The following GPR63 variants were observed in gnomAD, a reference collection of about 807,000 sequenced individuals.
The protein encoded by GPR63 is G protein-coupled receptor 63.
Under a neutral mutation model 23.1 loss-of-function variants are expected in GPR63, and 12 were observed. That is an observed-to-expected ratio of 0.52 (90% CI 0.33 to 0.84). The LOEUF (loss-of-function observed/expected upper bound fraction) is 0.84, where lower values mean the gene tolerates loss of function less well. Among genes scored for constraint, GPR63 ranks in the 40% least tolerant of loss-of-function variants. The pLI is 0.02. For synonymous variants in GPR63, 172 were observed against 191.1 expected (o/e 0.90, Z 0.82); for missense variants, 472 against 515.6 (o/e 0.92, Z 0.82).
At chr6:96,811,869 TAAATAAATAAATAAATAAATA>T (rs1582259242) in intron 1 of GPR63, among the ~76,000 whole-genome samples, 2 of 148,800 alleles carry the variant, frequency 1.3e-5, no homozygotes, top group East Asian at 3.9e-4. Context: ...AATAAATAAA[TAAATAAATAAATAAATAAATA>T]AAATAAAAGG....
rs555904424 is a variant in GPR63 at position 96,815,301 on chromosome 6, T to C, written c.-150-15420A>G. On this transcript the variant is annotated intron_variant, in intron 1 of 1. Transcript: ENST00000229955. ...TTTGATCTTAAGTTAATGATTTGCA[T>C]GGATGTGAGAAAGAAGATAACTCAA... 7.9e-5 allele frequency among the ~76,000 whole-genome samples: 12 copies of C among 152,330 alleles called. No individual in the cohort carries two copies. The East Asian group carries it at 2.1e-3, about 27-fold the overall frequency.
At chr6:96,813,988 TA>T (rs1447694411) in intron 1 of GPR63, among the ~76,000 whole-genome samples, 2 of 152,022 alleles carry the variant, frequency 1.3e-5, no homozygotes, top group African/African-American at 4.8e-5. Flanking sequence ...ATGTAGGATA[TA>T]AAAAAATTAC....
chr6:96,798,770 G>T lies in GPR63; in HGVS notation c.962C>A (p.Ala321Asp). ...TGGGGCCCAGCAGACAATGAAGACA[G>T]CAAAGAGAATCAAAATAGTGGTGAA... is the stretch of plus-strand genomic sequence containing the variant. ...RAFTTILILF[A>D]VFIVCWAPFT... Residue 321 changes from alanine (A) to aspartate (D), a missense_variant, in exon 2 of 2, where the codon GCT (alanine) becomes GAT (aspartate). Ala to Asp is a moderately radical substitution (Grantham distance 126, BLOSUM62 -2). Coordinates refer to ENST00000229955, the MANE Select transcript of GPR63 (RefSeq NM_030784.4). The T allele has an allele frequency of 3.1e-6, 5 of 1,614,174 alleles. No individual in the cohort carries two copies. Among genetic ancestry groups the T allele is most frequent in the Non-Finnish European group, 4.2e-6 (5 of 1,180,036 alleles).
chr6:96,802,737 C>T (rs191361762), intron 1 of GPR63, among the ~76,000 whole-genome samples: 126 of 148,740 alleles, frequency 8.5e-4, no homozygotes, highest in Non-Finnish European at 1.5e-3. Context: ...TTAGTAAAGA[C>T]GGGGTTTCAC....
At chr6:96,827,365 A>G (rs1774469668) in intron 1 of GPR63, among the ~76,000 whole-genome samples, 1 of 152,132 alleles carries the variant, frequency 6.6e-6, no homozygotes, top group Non-Finnish European at 1.5e-5. Context: ...GAAAACAATG[A>G]AAGATAAAAG....
intron 1 of GPR63, among the ~76,000 whole-genome samples, chr6:96,815,886 T>C (rs1774151447): frequency 1.3e-5 from 2 of 151,938 alleles, no homozygotes; most frequent in African/African-American, 4.8e-5. Context: ...TCCTGAAGGG[T>C]TTCCTGCTCT....
rs1469268466 is a variant in GPR63, at chr6:96,824,241, A to G, written c.-151+13027T>C. On this transcript the variant is annotated intron_variant, in intron 1 of 1. Transcript: ENST00000229955. ...ACAGATGTCTTTCACTATAATAGAT[A>G]AATTTTTACAATATGCATGTGGTCC... 5.9e-5 allele frequency among the ~76,000 whole-genome samples: 9 copies of G among 152,060 alleles called. 1 individual carries two copies. Among genetic ancestry groups the G allele is most frequent in the Admixed American group, 3.3e-4 (5 of 15,236 alleles).
At chr6:96,826,076 A>G (rs566453828) in intron 1 of GPR63, among the ~76,000 whole-genome samples, 1 of 152,252 alleles carries the variant, frequency 6.6e-6, no homozygotes, top group East Asian at 1.9e-4. Context: ...TAAGCATAAA[A>G]TAACTATTCA....
intron 1 of GPR63, among the ~76,000 whole-genome samples, chr6:96,815,461 T>G (rs1229276773): frequency 6.6e-6 from 1 of 152,176 alleles, no homozygotes; most frequent in Non-Finnish European, 1.5e-5. Flanking sequence ...GGTTATAAAG[T>G]TTTTTATGCA....
At chr6:96,815,235 A>T (rs924950539) in intron 1 of GPR63, among the ~76,000 whole-genome samples, 2 of 152,200 alleles carry the variant, frequency 1.3e-5, no homozygotes, top group African/African-American at 4.8e-5. Context: ...ATTTGTGGCG[A>T]TTTATAAAAC....
rs1291339176 is a variant in GPR63, at chr6:96,799,181, A to G, written c.551T>C (p.Val184Ala). Reference protein sequence around the residue: ...IISIDRFLIIVQRQDKLNPYR... With the variant: ...IISIDRFLIIAQRQDKLNPYR... Reference sequence around the variant, plus strand: ...TGGGTTTAGCTTATCCTGCCTCTGGACTATAATAAGGAACCTATCTATGCT... The same window carrying G: ...TGGGTTTAGCTTATCCTGCCTCTGGGCTATAATAAGGAACCTATCTATGCT... Residue 184 changes from valine (V) to alanine (A), a missense_variant, in exon 2 of 2, where the codon GTC (valine) becomes GCC (alanine). Coordinates refer to ENST00000229955, the MANE Select transcript of GPR63 (RefSeq NM_030784.4). 2 of 1,614,164 alleles carry G rather than the reference A, an allele frequency of 1.2e-6. No individual in the cohort carries two copies. Among genetic ancestry groups the G allele is most frequent in the South Asian group, 2.2e-5 (2 of 91,076 alleles).
chr6:96,833,004 G>C (rs1398801656), intron 1 of GPR63, among the ~76,000 whole-genome samples: 2 of 152,138 alleles, frequency 1.3e-5, no homozygotes, highest in African/African-American at 4.8e-5. Context: ...ATCTGAAGAA[G>C]TGCTGAGTAG....
chr6:96,801,555 T>C (rs1773766814), intron 1 of GPR63, among the ~76,000 whole-genome samples: 1 of 152,174 alleles, frequency 6.6e-6, no homozygotes, highest in Non-Finnish European at 1.5e-5. Context: ...TACTAATGCA[T>C]GATGGGTAGG....
chr6:96,811,158 C>A (rs1260581500), intron 1 of GPR63, among the ~76,000 whole-genome samples: 1 of 152,182 alleles, frequency 6.6e-6, no homozygotes, highest in African/African-American at 2.4e-5. Flanking sequence ...ATGCTGTACT[C>A]ATTGCATATG....
At chr6:96,810,733 T>G (rs1046832760) in intron 1 of GPR63, among the ~76,000 whole-genome samples, 1 of 152,190 alleles carries the variant, frequency 6.6e-6, no homozygotes, top group Non-Finnish European at 1.5e-5. Flanking sequence ...TTTGTGCATA[T>G]GTACATAGGT....
Position 96,796,987 on chromosome 6 carries a change from T to C in GPR63, c.*1485A>G, listed in dbSNP as rs1307928727. 2.0e-5 allele frequency: 3 copies of C among 152,180 alleles called. No homozygotes were observed. The highest frequency in any genetic ancestry group is 4.4e-5 in the Non-Finnish European group (3 of 68,042). 9.4% of individuals were successfully genotyped at this position (152,180 alleles called of 1,614,324 possible). A position where few individuals can be genotyped will look rare whatever the true frequency, so the allele number is the denominator to read the frequency against. On this transcript the variant is annotated 3_prime_UTR_variant, in exon 2 of 2. Coordinates refer to ENST00000229955, the MANE Select transcript of GPR63 (RefSeq NM_030784.4). ...ATTTTGGGAGGCCAAGGCAGGCAGA[T>C]CGTTTGAGCTCAGGACTCTGAGACC...
intron 1 of GPR63, among the ~76,000 whole-genome samples, chr6:96,831,926 A>G (rs1489707998): frequency 6.6e-6 from 1 of 151,914 alleles, no homozygotes; most frequent in African/African-American, 2.4e-5. Context: ...TAAAAAATAA[A>G]TAAATAAAAA....
chr6:96,830,924 G>A (rs1774563906), intron 1 of GPR63, among the ~76,000 whole-genome samples: 1 of 152,084 alleles, frequency 6.6e-6, no homozygotes, highest in African/African-American at 2.4e-5. Flanking sequence ...CTAAGACGAA[G>A]TTTCATATTA....
At chr6:96,833,361 T>G (rs933017886) in intron 1 of GPR63, among the ~76,000 whole-genome samples, 2 of 152,210 alleles carry the variant, frequency 1.3e-5, no homozygotes, top group Non-Finnish European at 1.5e-5. Context: ...CTCAAATAAT[T>G]TTCAGTTGAA....
Sources: gnomAD v4.1 joint callset for allele counts (sites outside exome capture counted in the v4.1 genomes callset) on GRCh38, gnomAD v4.1.1 for gene constraint, MANE v1.5 for transcripts, NCBI Gene and HGNC (gene_info 2026-07-23, HGNC 2026-07-21) for gene names.